Variants in IMMP2L observed in about 807,000 individuals in gnomAD.
IMMP2L encodes mitochondrial inner membrane protease subunit 2.
Under a neutral mutation model 19.3 loss-of-function variants are expected in IMMP2L, and 18 were observed. The ratio of observed to expected loss-of-function variants is 0.93; its 90% CI spans 0.64 to 1.38. The LOEUF (loss-of-function observed/expected upper bound fraction) is 1.38, where lower values mean the gene tolerates loss of function less well. Among genes scored for constraint, IMMP2L ranks in the 40% most tolerant of loss-of-function variants. The pLI is 0.00. For synonymous variants in IMMP2L, 76 were observed against 73.0 expected, an observed-to-expected ratio of 1.04 and a Z score of -0.21; for missense variants, 233 against 218.2, an observed-to-expected ratio of 1.07 and a Z score of -0.43.
intron 5 of IMMP2L, among the ~76,000 whole-genome samples, chr7:110,700,470 C>T (rs1243958783): frequency 6.6e-6 from 1 of 152,218 alleles, no homozygotes; most frequent in Non-Finnish European, 1.5e-5. Flanking sequence ...GTAACTACTG[C>T]AATCCCCGTA....
At chr7:111,303,630 A>G (rs1822504986) in intron 3 of IMMP2L, among the ~76,000 whole-genome samples, 1 of 152,120 alleles carries the variant, frequency 6.6e-6, no homozygotes, top group Middle Eastern at 3.2e-3. Flanking sequence ...CCTGATCCAT[A>G]TGTCAGAAAT....
intron 3 of IMMP2L, among the ~76,000 whole-genome samples, chr7:111,111,945 T>TG (rs1191870952): frequency 0.014 from 1,689 of 123,114 alleles, 49 homozygotes; most frequent in African/African-American, 0.055. Flanking sequence ...ATAGTTTGTT[T>TG]TTTTTTTTTT....
intron 3 of IMMP2L, among the ~76,000 whole-genome samples, chr7:111,314,840 T>C (rs1823879909): frequency 6.6e-6 from 1 of 152,188 alleles, no homozygotes; most frequent in Non-Finnish European, 1.5e-5. Flanking sequence ...ACCTATGGAA[T>C]ATAATTGCAA....
At chr7:111,554,407 G>A (rs1791025123) in intron 1 of IMMP2L, among the ~76,000 whole-genome samples, 3 of 151,962 alleles carry the variant, frequency 2.0e-5, no homozygotes, top group Admixed American at 2.0e-4. Context: ...AGCCCCTTCT[G>A]CTGCTATCGT....
At chr7:111,490,166 T>C (rs550285241) in intron 2 of IMMP2L, among the ~76,000 whole-genome samples, 2 of 150,364 alleles carry the variant, frequency 1.3e-5, no homozygotes, top group East Asian at 2.0e-4. Context: ...GGCATGATCA[T>C]AGTTCACTGT....
At chr7:111,199,075 T>C (rs1172214636) in intron 3 of IMMP2L, among the ~76,000 whole-genome samples, 2 of 152,156 alleles carry the variant, frequency 1.3e-5, no homozygotes, top group Non-Finnish European at 2.9e-5. Context: ...GGGGCTGTTA[T>C]AATTTGTGTC....
At chr7:111,480,360 G>A (rs1051486484) in intron 3 of IMMP2L, among the ~76,000 whole-genome samples, 2 of 151,922 alleles carry the variant, frequency 1.3e-5, no homozygotes, top group Admixed American at 1.3e-4. Context: ...GATTACAGGC[G>A]TGAGCCACTG....
chr7:110,989,564 G>C (rs1179698989), intron 3 of IMMP2L, among the ~76,000 whole-genome samples: 1 of 150,552 alleles, frequency 6.6e-6, no homozygotes, highest in East Asian at 1.9e-4. Context: ...TATTCTGGTG[G>C]CTATATTTGA....
At position 110,877,801 on chromosome 7, in the gene IMMP2L, A is replaced by G. The variant is rs950763084; in HGVS notation, c.408+8792T>C. On this transcript the variant is annotated intron_variant, in intron 5 of 5. Transcript: ENST00000405709. The surrounding 1 kb of genome is among the most constrained non-coding windows in gnomAD (Gnocchi z 4.0). ...TCAAGATCTGGCATTCAGCACTAGCAAAGTGTGACATTCTAACTCTGATTA... is the reference window on the plus strand; with the variant it reads ...TCAAGATCTGGCATTCAGCACTAGCGAAGTGTGACATTCTAACTCTGATTA... 1.3e-5 allele frequency among the ~76,000 whole-genome samples: 2 copies of G among 152,158 alleles called. No homozygotes were observed. Among genetic ancestry groups the G allele is most frequent in the Admixed American group, 6.6e-5 (1 of 15,262 alleles).
intron 3 of IMMP2L, among the ~76,000 whole-genome samples, chr7:111,090,408 T>TA (rs1357634138): frequency 2.0e-5 from 3 of 151,980 alleles, no homozygotes; most frequent in African/African-American, 7.2e-5. Flanking sequence ...CACTCACAGA[T>TA]ACACAAACAC....
chr7:110,879,242 T>A (rs1458707507), intron 5 of IMMP2L, among the ~76,000 whole-genome samples: 1 of 151,882 alleles, frequency 6.6e-6, no homozygotes, highest in African/African-American at 2.4e-5. Flanking sequence ...AATGCAAAAA[T>A]TAGCCTGCTG....
chr7:111,138,133 G>A (rs1802524027), intron 3 of IMMP2L, among the ~76,000 whole-genome samples: 2 of 152,142 alleles, frequency 1.3e-5, no homozygotes, highest in African/African-American at 4.8e-5. Flanking sequence ...GACCAGCCTT[G>A]TGCTACACCT....
chr7:110,695,890 C>G (rs1258249419), intron 5 of IMMP2L, among the ~76,000 whole-genome samples: 1 of 152,218 alleles, frequency 6.6e-6, no homozygotes, highest in Admixed American at 6.5e-5. Context: ...GCTGTGGGAA[C>G]TGCACAGGTT....
chr7:110,974,178 G>C (rs1245992527), intron 3 of IMMP2L, among the ~76,000 whole-genome samples: 4 of 152,096 alleles, frequency 2.6e-5, no homozygotes, highest in Admixed American at 6.6e-5. Context: ...TTAAATAAAA[G>C]CAACTTCTCA....
chr7:110,937,502 A>C (rs1161298173), intron 4 of IMMP2L, among the ~76,000 whole-genome samples: 1 of 152,166 alleles, frequency 6.6e-6, no homozygotes, highest in Non-Finnish European at 1.5e-5. Context: ...TCACACTTCT[A>C]AGACTTAATG....
At chr7:111,480,228 C>T (rs1023425080) in intron 3 of IMMP2L, among the ~76,000 whole-genome samples, 6 of 151,728 alleles carry the variant, frequency 4.0e-5, no homozygotes, top group South Asian at 2.1e-4. Context: ...GGACTACAGG[C>T]GCCCACCACC....
At chr7:111,428,053 C>T (rs916205488) in intron 3 of IMMP2L, among the ~76,000 whole-genome samples, 6 of 151,834 alleles carry the variant, frequency 4.0e-5, no homozygotes, top group African/African-American at 1.5e-4. Context: ...TGTAGCAACA[C>T]ACTCATGCTG....
At chr7:110,822,237 A>G (rs1054385825) in intron 5 of IMMP2L, among the ~76,000 whole-genome samples, 1 of 152,220 alleles carries the variant, frequency 6.6e-6, no homozygotes, top group South Asian at 2.1e-4. Flanking sequence ...TACATTGTCA[A>G]CTCATTCTAT....
chr7:111,459,815 G>A (rs1269376553), intron 3 of IMMP2L, among the ~76,000 whole-genome samples: 1 of 152,046 alleles, frequency 6.6e-6, no homozygotes, highest in Non-Finnish European at 1.5e-5. Context: ...CAGTGCAGGG[G>A]GATCCTATGG....
Sources: allele counts gnomAD v4.1 joint callset (sites outside exome capture counted in the v4.1 genomes callset), GRCh38; gene constraint gnomAD v4.1.1; non-coding constraint Gnocchi (gnomAD v3.1); transcripts MANE v1.5; gene names NCBI Gene and HGNC (gene_info 2026-07-23, HGNC 2026-07-21).